Variants in TNRC6B observed in about 807,000 individuals in gnomAD.
TNRC6B encodes trinucleotide repeat containing adaptor 6B, also known as trinucleotide repeat-containing gene 6B protein.
Under a neutral mutation model 203.6 loss-of-function variants are expected in TNRC6B, and 52 were observed. That is an observed-to-expected ratio of 0.26 (90% confidence interval 0.20 to 0.32). The LOEUF is 0.32. Among genes scored for constraint, TNRC6B ranks in the 10% least tolerant of loss-of-function variants. The pLI is 1.00. For synonymous variants in TNRC6B, 838 were observed against 845.7 expected, an observed-to-expected ratio of 0.99 and a Z score of 0.16; for missense variants, 1,923 against 2,286.2, an observed-to-expected ratio of 0.84 and a Z score of 3.24.
chr22:40,320,477 C>T (rs774644181), intron 21 of TNRC6B, among the ~76,000 whole-genome samples: 11 of 152,152 alleles, frequency 7.2e-5, no homozygotes, highest in Non-Finnish European at 1.5e-4. Flanking sequence ...AAGGCTCTGT[C>T]TCAAAACTAA....
At chr22:40,309,742 A>G (rs1171188772) in intron 16 of TNRC6B, among the ~76,000 whole-genome samples, 1 of 152,110 alleles carries the variant, frequency 6.6e-6, no homozygotes, top group Non-Finnish European at 1.5e-5. Context: ...GCCTTTTTAG[A>G]GCTTATAGAT....
chr22:40,101,043 A>T (rs928334871), intron 1 of TNRC6B, among the ~76,000 whole-genome samples: 22 of 149,392 alleles, frequency 1.5e-4, no homozygotes, highest in African/African-American at 5.5e-4. Flanking sequence ...CCCAGGCTGG[A>T]GTGCAGTGGC....
chr22:40,164,718 C>T (rs1044842221), intron 4 of TNRC6B, among the ~76,000 whole-genome samples: 8 of 146,440 alleles, frequency 5.5e-5, no homozygotes, highest in African/African-American at 7.6e-5. Flanking sequence ...GCCGAGATCG[C>T]GCCATTACAC....
chr22:40,183,620 C>T (rs554970203), intron 1 of TNRC6B, among the ~76,000 whole-genome samples: 3 of 151,790 alleles, frequency 2.0e-5, no homozygotes, highest in South Asian at 2.1e-4. Flanking sequence ...TTGAATACAG[C>T]GTTTTCTCCC....
At chr22:40,210,304 C>A (rs1229752415) in intron 1 of TNRC6B, among the ~76,000 whole-genome samples, 2 of 152,210 alleles carry the variant, frequency 1.3e-5, no homozygotes, top group African/African-American at 4.8e-5. Context: ...AAGCTGTTGT[C>A]TCTCAGATTC....
At chr22:40,071,523 C>G (rs1449429944) in intron 1 of TNRC6B, among the ~76,000 whole-genome samples, 2 of 152,108 alleles carry the variant, frequency 1.3e-5, no homozygotes, top group Admixed American at 1.3e-4. Context: ...TTGGTATTAC[C>G]ATAAGGGAAT....
chr22:40,098,434 C>G (rs966579816), intron 1 of TNRC6B, among the ~76,000 whole-genome samples: 3 of 142,136 alleles, frequency 2.1e-5, no homozygotes, highest in Non-Finnish European at 4.5e-5. Context: ...CAAAGAGATG[C>G]ATATTTCAGG....
intron 5 of TNRC6B, among the ~76,000 whole-genome samples, 193 bp from the exon 6 acceptor site, chr22:40,269,929 T>C (rs2070535644): frequency 6.6e-6 from 1 of 150,968 alleles, no homozygotes; most frequent in Non-Finnish European, 1.5e-5. Context: ...GTTGAGTTAC[T>C]GGGTGAAAAG....
At chr22:40,125,881 G>A (rs1384963865) in intron 3 of TNRC6B, 1 of 1,607,642 alleles carries the variant, frequency 6.2e-7, no homozygotes, top group South Asian at 1.1e-5. Context: ...ATTACTGAAA[G>A]GTACAGTTTG....
chr22:40,293,407 G>T (rs1035862116), intron 12 of TNRC6B, among the ~76,000 whole-genome samples: 14 of 151,850 alleles, frequency 9.2e-5, no homozygotes, highest in African/African-American at 3.4e-4. Context: ...TGGCCAGTCT[G>T]GTCTCGAACT....
chr22:40,084,260 C>T (rs1188030096), intron 1 of TNRC6B, among the ~76,000 whole-genome samples: 4 of 152,108 alleles, frequency 2.6e-5, no homozygotes, highest in Non-Finnish European at 5.9e-5. Context: ...AAGTTGTTTG[C>T]ATGGGACGCT....
At chr22:40,071,489 G>A (rs567002923) in intron 1 of TNRC6B, among the ~76,000 whole-genome samples, 9 of 152,298 alleles carry the variant, frequency 5.9e-5, no homozygotes, top group African/African-American at 2.2e-4. Flanking sequence ...AAAAAGTAAC[G>A]TATACTTGTG....
chr22:40,098,661 C>T (rs2068207374), intron 1 of TNRC6B, among the ~76,000 whole-genome samples: 1 of 152,010 alleles, frequency 6.6e-6, no homozygotes, highest in South Asian at 2.1e-4. Flanking sequence ...ATGTCTTCCT[C>T]AATTCAAGAT....
At chr22:40,186,200 G>A (rs778914728) in intron 1 of TNRC6B, among the ~76,000 whole-genome samples, 3 of 152,110 alleles carry the variant, frequency 2.0e-5, no homozygotes, top group African/African-American at 4.8e-5. Flanking sequence ...TAAAAAGAAC[G>A]GTGGCTCTGA....
At chr22:40,278,748 T>G (rs1004075925) in intron 9 of TNRC6B, among the ~76,000 whole-genome samples, 1 of 152,200 alleles carries the variant, frequency 6.6e-6, no homozygotes, top group Non-Finnish European at 1.5e-5. Context: ...TATTTATTTA[T>G]TGATTTTTTG....
At chr22:40,301,740 AT>A (rs1346869849) in intron 15 of TNRC6B, among the ~76,000 whole-genome samples, 1 of 152,182 alleles carries the variant, frequency 6.6e-6, no homozygotes, top group Non-Finnish European at 1.5e-5. Flanking sequence ...GCTGAAATGG[AT>A]AAACTTGGAT....
In TNRC6B at chr22:40,221,751, G is replaced by GCCCCC. The variant is rs1239327384; in HGVS notation, c.6-24258_6-24254dup. Among the ~76,000 whole-genome samples the GCCCCC allele has an allele frequency of 1.1e-3, 124 of 112,702 alleles. 2 individuals are homozygous for GCCCCC. The East Asian group carries it at 0.031, about 28-fold the overall frequency. The allele number at this position is 112,702 out of a possible 152,430, so 73.9% of individuals were successfully genotyped here. ...ACCACACCTGGCCCACCTTCTTATT[G>GCCCCC]CCCCCCCCCCTTTTTTTTTTTTGAC... is the stretch of plus-strand genomic sequence containing the variant. On this transcript the variant is annotated intron_variant, in intron 1 of 22. Coordinates refer to ENST00000454349, the MANE Select transcript of TNRC6B (RefSeq NM_001162501.2).
At chr22:40,291,664 C>T (rs1467065967) in intron 12 of TNRC6B, among the ~76,000 whole-genome samples, 4 of 152,188 alleles carry the variant, frequency 2.6e-5, no homozygotes, top group African/African-American at 9.7e-5. Flanking sequence ...ATTTACTTAA[C>T]ATTCCCTTCC....
chr22:40,157,318 C>T (rs1309481592), intron 4 of TNRC6B, among the ~76,000 whole-genome samples: 1 of 152,010 alleles, frequency 6.6e-6, no homozygotes, highest in Non-Finnish European at 1.5e-5. Context: ...TGGAATTTAC[C>T]AAAAATCTAT....
Sources: gnomAD v4.1 joint callset for allele counts (sites outside exome capture counted in the v4.1 genomes callset) on GRCh38, gnomAD v4.1.1 for gene constraint, MANE v1.5 for transcripts, NCBI Gene and HGNC (gene_info 2026-07-23, HGNC 2026-07-21) for gene names.